The following CYSLTR1 variants were observed in gnomAD, a reference collection of about 807,000 sequenced individuals.
The protein encoded by CYSLTR1 is G-protein coupled receptor HG55.
A neutral mutation model predicts 2.1 loss-of-function variants in CYSLTR1; 1 was observed. That is an observed-to-expected ratio of 0.48 (90% CI 0.17 to 2.28). The LOEUF (loss-of-function observed/expected upper bound fraction) is 2.28. Among genes scored for constraint, CYSLTR1 ranks in the 30% most tolerant of loss-of-function variants. CYSLTR1 has a pLI of 0.26. For synonymous variants in CYSLTR1, 110 were observed against 89.6 expected (o/e 1.23, Z -1.28); for missense variants, 299 against 250.1 (o/e 1.20, Z -1.32).
At chrX:78,287,905 A>T (rs1398796776) in intron 1 of CYSLTR1, among the ~76,000 whole-genome samples, 1 of 111,676 alleles carries the variant, frequency 9.0e-6, no homozygotes, top group East Asian at 2.8e-4. Flanking sequence ...AAACTCATCA[A>T]ATTGTGCACT....
chrX:78,291,581 C>G, intron 1 of CYSLTR1, among the ~76,000 whole-genome samples: 1 of 110,973 alleles, frequency 9.0e-6, no homozygotes. Context: ...AGTTGTGAAT[C>G]CATCTGGTCC....
chrX:78,303,249 C>A (rs183451839), intron 1 of CYSLTR1, among the ~76,000 whole-genome samples: 5 of 111,365 alleles, frequency 4.5e-5, no homozygotes, highest in African/African-American at 1.3e-4. Context: ...TCTCTCTTCC[C>A]GAGCACAAAG....
At chrX:78,296,461 G>C (rs182872900) in intron 1 of CYSLTR1, among the ~76,000 whole-genome samples, 163 of 111,666 alleles carry the variant, frequency 1.5e-3, no homozygotes, top group African/African-American at 5.0e-3. Flanking sequence ...GATAGAAATT[G>C]CATTGAATCT....
In CYSLTR1 at chrX:78,273,084, C is replaced by T. The variant is rs201022495; in HGVS notation, c.663G>A (p.Met221Ile). ...MIILTLLKKS[M>I]KKNLSSHKKA... ...TTTTATGACTTGACAGATTTTTTTT[C>T]ATTGATTTTTTTAGTAAGGTCAAAA... The change falls in exon 3 of 3, where the codon ATG becomes ATA. Residue 221 changes from methionine to isoleucine, a missense_variant. Met to Ile is a conservative substitution (Grantham distance 10). Coordinates refer to ENST00000373304, the MANE Select transcript of CYSLTR1 (RefSeq NM_006639.4). 6 of 1,206,799 alleles carry T rather than the reference C, an allele frequency of 5.0e-6. No homozygotes were observed. The highest frequency in any genetic ancestry group is 5.6e-6 in the Non-Finnish European group (5 of 893,574).
intron 1 of CYSLTR1, among the ~76,000 whole-genome samples, chrX:78,289,017 G>T (rs1424244642): frequency 9.1e-6 from 1 of 109,743 alleles, no homozygotes; most frequent in African/African-American, 3.3e-5. Flanking sequence ...ACAACGTGCA[G>T]GTTTGTTACA....
chrX:78,287,199 G>T (rs1922111075), intron 1 of CYSLTR1, among the ~76,000 whole-genome samples: 1 of 111,799 alleles, frequency 8.9e-6, no homozygotes, highest in African/African-American at 3.3e-5. Flanking sequence ...TTTATAGATT[G>T]TGATTTTGGT....
At chrX:78,308,033 T>C (rs936462627) in intron 1 of CYSLTR1, among the ~76,000 whole-genome samples, 3 of 108,839 alleles carry the variant, frequency 2.8e-5, no homozygotes, top group African/African-American at 1.0e-4. Flanking sequence ...TTTGTAGTGC[T>C]GAAAGAAGCT....
At chrX:78,295,022 G>T (rs747131054) in intron 1 of CYSLTR1, among the ~76,000 whole-genome samples, 1 of 112,167 alleles carries the variant, frequency 8.9e-6, no homozygotes, top group Admixed American at 9.4e-5. Context: ...GATGAAACAG[G>T]TACTTCAGTT....
At chrX:78,316,239 A>G (rs1199719886) in intron 1 of CYSLTR1, among the ~76,000 whole-genome samples, 2 of 112,367 alleles carry the variant, frequency 1.8e-5, no homozygotes, top group African/African-American at 6.5e-5. Context: ...TGTATGTCAC[A>G]GGGGCCTTTG....
At chrX:78,293,401 G>T (rs898242096) in intron 1 of CYSLTR1, among the ~76,000 whole-genome samples, 1 of 111,492 alleles carries the variant, frequency 9.0e-6, no homozygotes, top group Non-Finnish European at 1.9e-5. Context: ...CTCTCTGGCT[G>T]CCCTTTACAT....
chrX:78,308,835 C>T lies in CYSLTR1; in HGVS notation c.-115+18470G>A, dbSNP rs987010105. On this transcript the variant is annotated intron_variant, in intron 1 of 2. Transcript: ENST00000373304. ...CAGGGCTTGGGACATGGTAAGCCCT[C>T]ACTAGGTGTTACTGCTTGGCATTGA... is the stretch of plus-strand genomic sequence containing the variant. Among the ~76,000 whole-genome samples the T allele has an allele frequency of 2.7e-5, 3 of 111,379 alleles. No homozygotes were observed. The Admixed American group carries it at 2.9e-4, about 11-fold the overall frequency.
intron 1 of CYSLTR1, among the ~76,000 whole-genome samples, chrX:78,322,628 A>G (rs1313686492): frequency 8.9e-6 from 1 of 112,080 alleles, no homozygotes; most frequent in African/African-American, 3.2e-5. Flanking sequence ...GGGCAGAATG[A>G]TCCTTCCGTC....
At chrX:78,299,432 T>G (rs753725006) in intron 1 of CYSLTR1, among the ~76,000 whole-genome samples, 1 of 111,450 alleles carries the variant, frequency 9.0e-6, no homozygotes, top group African/African-American at 3.2e-5. Flanking sequence ...ACTCTTTTCA[T>G]AATTGAAGTA....
intron 1 of CYSLTR1, among the ~76,000 whole-genome samples, chrX:78,294,814 G>A (rs987654564): frequency 4.2e-4 from 47 of 112,755 alleles, no homozygotes; most frequent in African/African-American, 1.3e-3. Flanking sequence ...CTCCTGGTCC[G>A]CCAGTTGCTA....
chrX:78,290,734 C>G (rs991166684), intron 1 of CYSLTR1, among the ~76,000 whole-genome samples: 5 of 111,582 alleles, frequency 4.5e-5, no homozygotes, highest in African/African-American at 1.6e-4. Context: ...AATAGAAGTT[C>G]ACTCATGATT....
chrX:78,316,072 T>G (rs1923405380), intron 1 of CYSLTR1, among the ~76,000 whole-genome samples: 1 of 112,315 alleles, frequency 8.9e-6, no homozygotes, highest in African/African-American at 3.2e-5. Flanking sequence ...CTACATTTGT[T>G]TGTAAGAAAG....
At chrX:78,291,878 C>A (rs1305185873) in intron 1 of CYSLTR1, among the ~76,000 whole-genome samples, 6 of 94,587 alleles carry the variant, frequency 6.3e-5, no homozygotes, top group Non-Finnish European at 1.3e-4. Flanking sequence ...GTCTTGCTAG[C>A]GGTCTATCAA....
At chrX:78,313,381 G>A (rs1923286813) in intron 1 of CYSLTR1, among the ~76,000 whole-genome samples, 1 of 111,334 alleles carries the variant, frequency 9.0e-6, no homozygotes, top group African/African-American at 3.3e-5. Flanking sequence ...CTACCTGGGT[G>A]TTGAGATCAT....
chrX:78,308,313 A>G (rs1024960346), intron 1 of CYSLTR1, among the ~76,000 whole-genome samples: 2 of 112,212 alleles, frequency 1.8e-5, no homozygotes, highest in African/African-American at 6.5e-5. Flanking sequence ...AATTAAACTG[A>G]TTTTGATTAT....
Sources: gnomAD v4.1 joint callset for allele counts (sites outside exome capture counted in the v4.1 genomes callset) on GRCh38, gnomAD v4.1.1 for gene constraint, MANE v1.5 for transcripts, NCBI Gene and HGNC (gene_info 2026-07-23, HGNC 2026-07-21) for gene names.